The following FAM83B variants were observed in gnomAD, a reference collection of about 807,000 sequenced individuals.
FAM83B encodes scaffolding CK1 anchoring protein B.
FAM83B carries 26 observed loss-of-function variants against 38.8 expected under a neutral mutation model. The observed-to-expected ratio is 0.67, with a 90% CI of 0.49 to 0.93. FAM83B has a LOEUF of 0.93. Ranked by LOEUF, FAM83B falls within the 40% of genes least tolerant of loss-of-function variation. The pLI is 0.00. For synonymous variants in FAM83B, 419 were observed against 423.1 expected, an observed-to-expected ratio of 0.99 and a Z score of 0.12; for missense variants, 1,237 against 1,197.3, an observed-to-expected ratio of 1.03 and a Z score of -0.49.
At chr6:54,891,854 G>A (rs753916461) in intron 2 of FAM83B, among the ~76,000 whole-genome samples, 11 of 151,572 alleles carry the variant, frequency 7.3e-5, no homozygotes, top group Non-Finnish European at 1.6e-4. Context: ...ATGGGTTCTC[G>A]TTATGTTGTC....
At position 54,941,041 on chromosome 6, in the gene FAM83B, G is replaced by T. The variant is rs201707729; in HGVS notation, c.2070G>T (p.Arg690Ser). The change falls in exon 5 of 5, where the codon AGG (arginine) becomes AGT (serine). Residue 690 changes from arginine to serine, a missense_variant. Coordinates refer to ENST00000306858, the MANE Select transcript of FAM83B (RefSeq NM_001010872.3). ...SKHYVYSTLT[R>S]NRVRQPEKPK... ...ATTATGTATATAGTACACTTACCAG[G>T]AATCGAGTTAGACAACCAGAAAAGC... 5.0e-6 allele frequency: 8 copies of T among 1,613,606 alleles called. No individual in the cohort carries two copies. The East Asian group carries it at 1.8e-4, about 36-fold the overall frequency.
At chr6:54,889,167 T>C (rs1317803052) in intron 2 of FAM83B, among the ~76,000 whole-genome samples, 1 of 152,126 alleles carries the variant, frequency 6.6e-6, no homozygotes, top group Admixed American at 6.6e-5. Context: ...TCTTGAATGC[T>C]TCAATAACAG....
chr6:54,848,474 A>G (rs1299296685), intron 1 of FAM83B, among the ~76,000 whole-genome samples: 1 of 152,220 alleles, frequency 6.6e-6, no homozygotes, highest in Non-Finnish European at 1.5e-5. Flanking sequence ...GATGGAGACA[A>G]ACCACACCTC....
intron 1 of FAM83B, 69 bp from the exon 2 acceptor site, chr6:54,870,118 A>T: frequency 1.5e-6 from 1 of 669,532 alleles, no homozygotes. Context: ...ATAATAGTTG[A>T]TATGTATCAT....
At position 54,941,765 on chromosome 6, in the gene FAM83B, C is replaced by T. The variant is rs760397526; in HGVS notation, c.2794C>T (p.Arg932Cys). The change falls in exon 5 of 5, where the codon CGT (arginine) becomes TGT (cysteine). Residue 932 changes from arginine to cysteine, a missense_variant. By Grantham distance (180) the Arg-to-Cys change is radical. Coordinates refer to ENST00000306858, the MANE Select transcript of FAM83B (RefSeq NM_001010872.3). ...ELLRSHSTDR[R>C]VYSRFEPFCK... is the part of the protein sequence containing the mutation. ...TCTACGATCTCATTCAACTGATCGG[C>T]GTGTTTACAGTCGTTTTGAGCCGTT... 7 of 1,613,932 alleles carry T rather than the reference C, an allele frequency of 4.3e-6. No individual in the cohort carries two copies. Among genetic ancestry groups the T allele is most frequent in the African/African-American group, 4.0e-5 (3 of 74,912 alleles).
intron 2 of FAM83B, among the ~76,000 whole-genome samples, chr6:54,873,533 G>A (rs9475050): frequency 0.022 from 3,417 of 151,980 alleles, 133 homozygotes; most frequent in African/African-American, 0.078. Flanking sequence ...AGAATCAATG[G>A]GAGCCTAATA....
chr6:54,898,384 C>G (rs1772585457), intron 2 of FAM83B, among the ~76,000 whole-genome samples: 1 of 152,158 alleles, frequency 6.6e-6, no homozygotes, highest in African/African-American at 2.4e-5. Context: ...GTCGCCTCTA[C>G]ATTGTTCGTG....
chr6:54,885,843 G>A (rs1413819499), intron 2 of FAM83B, among the ~76,000 whole-genome samples: 1 of 151,512 alleles, frequency 6.6e-6, no homozygotes, highest in African/African-American at 2.4e-5. Flanking sequence ...GGGAGGGATA[G>A]CATTAGGAGA....
At chr6:54,891,746 G>A (rs1772407693) in intron 2 of FAM83B, among the ~76,000 whole-genome samples, 1 of 152,100 alleles carries the variant, frequency 6.6e-6, no homozygotes, top group Non-Finnish European at 1.5e-5. Flanking sequence ...CAGTATCTTG[G>A]AATCACATAA....
chr6:54,853,852 A>G (rs1771374393), intron 1 of FAM83B, among the ~76,000 whole-genome samples: 1 of 152,230 alleles, frequency 6.6e-6, no homozygotes, highest in Admixed American at 6.5e-5. Context: ...TGATTCCTCT[A>G]ATGAATCTGA....
At chr6:54,851,633 C>T (rs1255537106) in intron 1 of FAM83B, among the ~76,000 whole-genome samples, 7 of 145,266 alleles carry the variant, frequency 4.8e-5, no homozygotes, top group African/African-American at 1.3e-4. Flanking sequence ...CTACCATGCC[C>T]GGCTAATTTT....
At chr6:54,858,997 A>G (rs1771510566) in intron 1 of FAM83B, among the ~76,000 whole-genome samples, 1 of 152,152 alleles carries the variant, frequency 6.6e-6, no homozygotes, top group Non-Finnish European at 1.5e-5. Flanking sequence ...ATAAGCAAAT[A>G]TATGTTCAGA....
intron 2 of FAM83B, among the ~76,000 whole-genome samples, chr6:54,910,837 C>G (rs1187080396): frequency 2.0e-5 from 3 of 152,054 alleles, no homozygotes; most frequent in Admixed American, 1.3e-4. Flanking sequence ...ACTGGTCTTT[C>G]TGTGTGCAGA....
intron 4 of FAM83B, among the ~76,000 whole-genome samples, chr6:54,928,143 C>T (rs1189829030): frequency 6.6e-6 from 1 of 152,128 alleles, no homozygotes; most frequent in Non-Finnish European, 1.5e-5. Context: ...AATAAATCCC[C>T]TGGCTTCAGT....
chr6:54,941,758 T>C lies in FAM83B; in HGVS notation c.2787T>C (p.Thr929=), dbSNP rs773902585. 6.2e-7 allele frequency: 1 copy of C among 1,614,164 alleles called. No individual in the cohort carries two copies. The highest frequency in any genetic ancestry group is 1.1e-5 in the South Asian group (1 of 91,086). Residue 929 remains threonine, a synonymous_variant, in exon 5 of 5, where the codon ACT becomes ACC. Transcript: ENST00000306858. The part of the protein sequence containing the change: ...TSSELLRSHS[T]DRRVYSRFEP... ...GTGAGCTTCTACGATCTCATTCAAC[T>C]GATCGGCGTGTTTACAGTCGTTTTG...
chr6:54,921,353 T>G (rs1773162420), intron 2 of FAM83B, among the ~76,000 whole-genome samples: 1 of 151,422 alleles, frequency 6.6e-6, no homozygotes, highest in Non-Finnish European at 1.5e-5. Context: ...ATATATACTG[T>G]AGGTGTCCTC....
intron 4 of FAM83B, among the ~76,000 whole-genome samples, chr6:54,937,449 C>G (rs1171510870): frequency 6.6e-6 from 1 of 152,066 alleles, no homozygotes; most frequent in African/African-American, 2.4e-5. Flanking sequence ...TTTACTAATA[C>G]TATGTACAGT....
chr6:54,893,650 A>G (rs781062813), intron 2 of FAM83B, among the ~76,000 whole-genome samples: 1 of 152,218 alleles, frequency 6.6e-6, no homozygotes, highest in Non-Finnish European at 1.5e-5. Flanking sequence ...ATTAAGTTGT[A>G]TATACAGCCA....
At chr6:54,930,773 G>T (rs976124629) in intron 4 of FAM83B, among the ~76,000 whole-genome samples, 5 of 151,834 alleles carry the variant, frequency 3.3e-5, no homozygotes, top group Admixed American at 3.3e-4. Flanking sequence ...GAGGTATAAA[G>T]CTAGGTTGTT....
Sources: gnomAD v4.1 joint callset for allele counts (sites outside exome capture counted in the v4.1 genomes callset) on GRCh38, gnomAD v4.1.1 for gene constraint, MANE v1.5 for transcripts, NCBI Gene and HGNC (gene_info 2026-07-23, HGNC 2026-07-21) for gene names.